DNAJB11: variants seen among roughly 807,000 people sequenced by gnomAD.
The protein encoded by DNAJB11 is DnaJ heat shock protein family (Hsp40) member B11.
Under a neutral mutation model 47.2 loss-of-function variants are expected in DNAJB11, and 30 were observed. That is an observed-to-expected ratio of 0.64 (90% CI 0.48 to 0.86). The LOEUF is 0.86. Among genes scored for constraint, DNAJB11 ranks in the 40% least tolerant of loss-of-function variants. DNAJB11 has a pLI of 0.00. For missense variants in DNAJB11, 357 were observed against 440.2 expected, an observed-to-expected ratio of 0.81 and a Z score of 1.69; for synonymous variants, 151 against 159.9, an observed-to-expected ratio of 0.94 and a Z score of 0.42.
At chr3:186,576,565 A>G (rs1715302439) in intron 3 of DNAJB11, among the ~76,000 whole-genome samples, 1 of 152,182 alleles carries the variant, frequency 6.6e-6, no homozygotes, top group South Asian at 2.1e-4. Flanking sequence ...AGATGTTCGA[A>G]TCTGCATTTT....
chr3:186,578,631 G>A (rs1386466860), intron 4 of DNAJB11: 6 of 152,060 alleles, frequency 3.9e-5, no homozygotes, highest in Admixed American at 3.3e-4. Flanking sequence ...TTACCAATTA[G>A]GATCAGCATC....
chr3:186,571,032 T>TGGGGGGGG, intron 1 of DNAJB11, 67 bp downstream of exon 1: 1 of 202,006 alleles, frequency 5.0e-6, no homozygotes. Context: ...TGGGAGGGGG[T>TGGGGGGGG]GGGGGAAGTG....
At chr3:186,571,084 GT>G (rs1715033773) in intron 1 of DNAJB11, 119 bp downstream of exon 1, 2 of 952,684 alleles carry the variant, frequency 2.1e-6, no homozygotes, top group Non-Finnish European at 3.1e-6. Flanking sequence ...ATCGCTGTGG[GT>G]TGGCGGGGTG....
chr3:186,584,387 G>A, intron 8 of DNAJB11, 43 bp from the exon 9 acceptor site: 1 of 1,503,838 alleles, frequency 6.6e-7, no homozygotes, highest in Non-Finnish European at 8.8e-7. Context: ...ATGTACTTCA[G>A]ATGTACCGCT....
At chr3:186,577,580 GT>G (rs1715341607) in intron 3 of DNAJB11, 87 bp from the exon 4 acceptor site, 1 of 1,255,810 alleles carries the variant, frequency 8.0e-7, no homozygotes, top group Non-Finnish European at 1.1e-6. Flanking sequence ...AGAAACAATA[GT>G]TTATCAACGT....
At chr3:186,575,407 T>TGTGTGTG (rs1715254510) in intron 2 of DNAJB11, among the ~76,000 whole-genome samples, 1 of 145,594 alleles carries the variant, frequency 6.9e-6, no homozygotes, top group African/African-American at 2.6e-5. Context: ...GTGTGTGTGT[T>TGTGTGTG]TTGGGTAGGG....
In DNAJB11 at chr3:186,581,549, C is replaced by T. The variant is rs139822929; in HGVS notation, c.599+36C>T. On this transcript the variant is annotated intron_variant, in intron 5 of 9. Coordinates refer to ENST00000265028, the MANE Select transcript of DNAJB11 (RefSeq NM_016306.6). ...GCACCTTCTTTGTTCTACCAAGAAA[C>T]ACTTGTTAATTTCGTTCATCTAGTC... The T allele has an allele frequency of 1.2e-3, 1,984 of 1,601,220 alleles. 17 individuals carry two copies. In the African/African-American group the frequency reaches 0.02, roughly 16 times the overall value.
In DNAJB11 at chr3:186,582,022, A is replaced by G; in HGVS notation, c.627A>G (p.Glu209=). ...TAGTGAATGAAGAACGAACGCTGGAAGTAGAAATAGAGCCTGGGGTGAGAG... is the reference window on the plus strand; with the variant it reads ...TAGTGAATGAAGAACGAACGCTGGAGGTAGAAATAGAGCCTGGGGTGAGAG... ...VKLVNEERTL[E]VEIEPGVRDG... Residue 209 remains glutamate (E), a synonymous_variant, in exon 6 of 10, where the codon GAA becomes GAG. Coordinates refer to ENST00000265028, the MANE Select transcript of DNAJB11 (RefSeq NM_016306.6). 6.2e-7 allele frequency: 1 copy of G among 1,613,930 alleles called. No individual in the cohort carries two copies. The highest frequency in any genetic ancestry group is 8.5e-7 in the Non-Finnish European group (1 of 1,179,862).
intron 4 of DNAJB11, chr3:186,581,121 T>G (rs943079380): frequency 4.9e-5 from 20 of 404,890 alleles, no homozygotes; most frequent in Admixed American, 2.5e-4. Flanking sequence ...TCGGTTCTCT[T>G]GTTTCTTACT....
chr3:186,573,873 A>T (rs1715174623), intron 2 of DNAJB11, among the ~76,000 whole-genome samples: 1 of 152,244 alleles, frequency 6.6e-6, no homozygotes, highest in African/African-American at 2.4e-5. Flanking sequence ...AGGGAAGCTG[A>T]ATTTACCATG....
rs756453560 is a variant in DNAJB11 at position 186,581,358 on chromosome 3, A to G, written c.457-13A>G. The G allele has an allele frequency of 1.2e-6, 2 of 1,613,142 alleles. No homozygotes were observed. The highest frequency in any genetic ancestry group is 4.5e-5 in the East Asian group (2 of 44,848). ...CACAAGAGAGAAGCTGATGTTGTTT[A>G]TGCACTTCCTAGGTAGTTAGAAACA... On this transcript the variant is annotated splice_polypyrimidine_tract_variant and intron_variant, in intron 4 of 9. Transcript: ENST00000265028.
intron 2 of DNAJB11, among the ~76,000 whole-genome samples, chr3:186,573,974 A>G (rs906638967): frequency 3.3e-5 from 5 of 152,294 alleles, no homozygotes; most frequent in East Asian, 1.9e-4. Context: ...AACTATAACA[A>G]TCCTTTTAGC....
In DNAJB11 at chr3:186,570,963, C is replaced by A. The variant is rs753314675; in HGVS notation, c.66C>A (p.Ala22=). The part of the protein sequence containing the change: ...LLLYLIGAVI[A]GRDFYKILGV... Reference sequence around the variant, plus strand: ...TATACCTCATCGGGGCGGTGATTGCCGGGTGAGGAACAGACACTCGCAGAC... The same window carrying A: ...TATACCTCATCGGGGCGGTGATTGCAGGGTGAGGAACAGACACTCGCAGAC... Residue 22 remains alanine, a splice_region_variant and synonymous_variant, in exon 1 of 10, where the codon GCC becomes GCA. Coordinates refer to ENST00000265028, the MANE Select transcript of DNAJB11 (RefSeq NM_016306.6). The A allele has an allele frequency of 7.5e-7, 1 of 1,336,406 alleles. No homozygotes were observed. Among genetic ancestry groups the A allele is most frequent in the East Asian group, 5.1e-5 (1 of 19,464 alleles). The allele number at this position is 1,336,406 out of a possible 1,614,324, so 82.8% of individuals were successfully genotyped here.
intron 4 of DNAJB11, chr3:186,578,417 C>T (rs1715372671): frequency 6.6e-6 from 1 of 152,068 alleles, no homozygotes; most frequent in South Asian, 2.1e-4. Flanking sequence ...AGTAGAATTG[C>T]TGGGTAATAT....
intron 7 of DNAJB11, 52 bp downstream of exon 7, chr3:186,582,825 G>A (rs1273820166): frequency 9.8e-6 from 13 of 1,324,532 alleles, no homozygotes; most frequent in East Asian, 7.4e-5. Context: ...TTATAGAGAC[G>A]TAGGTGGCCA....
Position 186,570,942 on chromosome 3 carries a change from C to T in DNAJB11, c.45C>T (p.Tyr15=), listed in dbSNP as rs368324560. 23 of 1,599,856 alleles carry T rather than the reference C, an allele frequency of 1.4e-5. No homozygotes were observed. Among genetic ancestry groups the T allele is most frequent in the Non-Finnish European group, 1.9e-5 (22 of 1,173,488 alleles). ...GCACCTTTTGCCTGTTGCTGCTATA[C>T]CTCATCGGGGCGGTGATTGCCGGGT... ...NLSTFCLLLL[Y]LIGAVIAGRD... The change falls in exon 1 of 10, where the codon TAC becomes TAT. Residue 15 remains tyrosine (Y), a synonymous_variant. Transcript: ENST00000265028.
chr3:186,571,037 G>GGGGC, intron 1 of DNAJB11, 72 bp downstream of exon 1: 2 of 940,414 alleles, frequency 2.1e-6, no homozygotes, highest in Non-Finnish European at 3.2e-6. Flanking sequence ...GGGGGTGGGG[G>GGGGC]AAGTGGCATT....
At chr3:186,583,425 T>A (rs2108485688) in intron 7 of DNAJB11, among the ~76,000 whole-genome samples, 2 of 152,364 alleles carry the variant, frequency 1.3e-5, no homozygotes, top group Middle Eastern at 6.8e-3. Context: ...TTAGAGAAAC[T>A]GGAACATGTG....
intron 1 of DNAJB11, among the ~76,000 whole-genome samples, chr3:186,571,862 C>T (rs1715071000): frequency 6.6e-6 from 1 of 152,144 alleles, no homozygotes; most frequent in African/African-American, 2.4e-5. Context: ...TTTGAATAAT[C>T]CGAAAAGAAG....
Sources: allele counts gnomAD v4.1 joint callset (sites outside exome capture counted in the v4.1 genomes callset), GRCh38; gene constraint gnomAD v4.1.1; transcripts MANE v1.5; gene names NCBI Gene and HGNC (gene_info 2026-07-23, HGNC 2026-07-21).